TRPM3: variants seen among roughly 807,000 people sequenced by gnomAD.
TRPM3 encodes transient receptor potential cation channel subfamily M member 3, also known as long transient receptor potential channel 3.
A neutral mutation model predicts 181.2 loss-of-function variants in TRPM3; 77 were observed. The ratio of observed to expected loss-of-function variants is 0.42; its 90% CI spans 0.35 to 0.51. The LOEUF is 0.51. Among genes scored for constraint, TRPM3 ranks in the 20% least tolerant of loss-of-function variants. The pLI is 0.01. For synonymous variants in TRPM3, 745 were observed against 796.4 expected (o/e 0.94, Z 1.09); for missense variants, 1,759 against 2,196.7 (o/e 0.80, Z 3.98).
At position 70,755,575 on chromosome 9, in the gene TRPM3, G is replaced by T. The variant is rs548802904; in HGVS notation, c.1272+6026C>A. On this transcript the variant is annotated intron_variant, in intron 8 of 25. Transcript: ENST00000677713. The stretch of plus-strand genomic sequence containing the variant: ...AGTAGAGACGGGGTTTCTTCATGTT[G>T]AGGCTGGTCTCGAACTCCTGACCTC... Among the ~76,000 whole-genome samples, 510 of 151,976 alleles carry T rather than the reference G, an allele frequency of 3.4e-3. 4 individuals are homozygous for T. Among genetic ancestry groups the T allele is most frequent in the African/African-American group, 0.012 (488 of 41,448 alleles).
chr9:70,831,831 A>G (rs2093918325), intron 5 of TRPM3, among the ~76,000 whole-genome samples: 1 of 151,308 alleles, frequency 6.6e-6, no homozygotes, highest in Admixed American at 6.6e-5. Flanking sequence ...ATATTTTAAA[A>G]TAACTTAAAG....
At chr9:71,226,009 TAAA>T in intron 1 of TRPM3, among the ~76,000 whole-genome samples, 669 of 34,686 alleles carry the variant, frequency 0.019, 2 homozygotes, top group Admixed American at 0.03. Context: ...CAACAAAAGG[TAAA>T]AAAAAAAAAA....
rs556745389 is a variant in TRPM3, at chr9:71,350,368, T to G, written c.183+96285A>C. On this transcript the variant is annotated intron_variant, in intron 1 of 24. Transcript: ENST00000357533. ...ATCCCCAATCTTTCAATACTCCGGT[T>G]AGTTTGCTAATTCCTGGTTTATCAA... Among the ~76,000 whole-genome samples the G allele has an allele frequency of 1.1e-3, 168 of 152,326 alleles. 1 individual carries two copies. The highest frequency in any genetic ancestry group is 5.3e-4 in the Non-Finnish European group (36 of 68,024).
chr9:70,975,011 G>C (rs996497458), intron 1 of TRPM3, among the ~76,000 whole-genome samples: 1 of 151,762 alleles, frequency 6.6e-6, no homozygotes, highest in South Asian at 2.1e-4. Flanking sequence ...GGGATTACAG[G>C]TGCCCATCAC....
intron 1 of TRPM3, among the ~76,000 whole-genome samples, chr9:71,154,664 A>C (rs542413981): frequency 6.6e-6 from 1 of 152,168 alleles, no homozygotes; most frequent in Non-Finnish European, 1.5e-5. Flanking sequence ...GAATTTGTAC[A>C]TCACCTTGGC....
chr9:71,210,244 G>A (rs2079405987), intron 1 of TRPM3, among the ~76,000 whole-genome samples: 1 of 152,154 alleles, frequency 6.6e-6, no homozygotes, highest in African/African-American at 2.4e-5. Flanking sequence ...TCTAATGCCT[G>A]ATGATCTGTC....
At chr9:70,748,376 G>A (rs571347100) in intron 8 of TRPM3, among the ~76,000 whole-genome samples, 1 of 152,206 alleles carries the variant, frequency 6.6e-6, no homozygotes, top group African/African-American at 2.4e-5. Context: ...AGCTTCTCAT[G>A]TTGTATGTCT....
chr9:71,393,884 T>C (rs1181692958), intron 1 of TRPM3, among the ~76,000 whole-genome samples: 1 of 152,182 alleles, frequency 6.6e-6, no homozygotes, highest in East Asian at 1.9e-4. Flanking sequence ...TTCCCATATT[T>C]GAAAGAAAGT....
chr9:70,977,882 C>A (rs1047275559), intron 1 of TRPM3, among the ~76,000 whole-genome samples: 31 of 152,216 alleles, frequency 2.0e-4, no homozygotes, highest in African/African-American at 7.5e-4. Context: ...ACCCTCCTGG[C>A]ACTTTGTTGT....
chr9:70,660,028 T>C (rs1023257877), intron 9 of TRPM3, among the ~76,000 whole-genome samples: 1 of 152,182 alleles, frequency 6.6e-6, no homozygotes, highest in Non-Finnish European at 1.5e-5. Flanking sequence ...CTTAACAACC[T>C]GCTAAAAATG....
At chr9:71,405,693 T>C (rs1249450726) in intron 1 of TRPM3, among the ~76,000 whole-genome samples, 3 of 152,246 alleles carry the variant, frequency 2.0e-5, no homozygotes, top group Non-Finnish European at 1.5e-5. Context: ...ATGAATTTTA[T>C]TTTCTCCTGA....
intron 1 of TRPM3, among the ~76,000 whole-genome samples, chr9:71,391,126 C>T (rs891344430): frequency 3.3e-5 from 5 of 151,706 alleles, no homozygotes; most frequent in Non-Finnish European, 7.4e-5. Flanking sequence ...TCCCTAAGAC[C>T]ACCGCTGCCT....
At chr9:70,952,636 G>A (rs1051448412) in intron 1 of TRPM3, among the ~76,000 whole-genome samples, 1 of 152,152 alleles carries the variant, frequency 6.6e-6, no homozygotes, top group African/African-American at 2.4e-5. Context: ...GATGTGATAA[G>A]GGATTGAAGG....
At chr9:70,873,753 G>A (rs1217199838) in intron 1 of TRPM3, among the ~76,000 whole-genome samples, 1 of 151,908 alleles carries the variant, frequency 6.6e-6, no homozygotes, top group Non-Finnish European at 1.5e-5. Flanking sequence ...AGAGTCACAC[G>A]ATATAATACT....
intron 1 of TRPM3, among the ~76,000 whole-genome samples, chr9:71,192,884 G>A (rs2078119347): frequency 1.3e-5 from 2 of 151,850 alleles, no homozygotes; most frequent in Middle Eastern, 6.8e-3. Context: ...GTTTTAGATG[G>A]ATATATTAAC....
rs374351212 is a variant in TRPM3, at chr9:71,088,141, C to T, written c.177+33037G>A. ...CTACAGTAAAAAACATGTCGGGTTA[C>T]AGTGATTCCTCAGCCTACTATGGAA... On this transcript the variant is annotated intron_variant, in intron 1 of 25. Coordinates refer to ENST00000677713, the MANE Select transcript of TRPM3 (RefSeq NM_001366145.2). Among the ~76,000 whole-genome samples, 380 of 152,196 alleles carry T rather than the reference C, an allele frequency of 2.5e-3. 5 individuals are homozygous for T. In the South Asian group the frequency reaches 0.026, roughly 10 times the overall value.
chr9:71,076,075 T>C (rs2063412981), intron 1 of TRPM3, among the ~76,000 whole-genome samples: 1 of 151,980 alleles, frequency 6.6e-6, no homozygotes, highest in Non-Finnish European at 1.5e-5. Context: ...CCAATGAAAA[T>C]GAAGAATGAT....
intron 1 of TRPM3, among the ~76,000 whole-genome samples, chr9:71,380,790 G>C (rs1475277377): frequency 2.6e-5 from 4 of 152,040 alleles, no homozygotes; most frequent in African/African-American, 7.2e-5. Context: ...GGTCCTGACA[G>C]GGACATGGCA....
intron 1 of TRPM3, among the ~76,000 whole-genome samples, chr9:71,251,598 A>T (rs1468907006): frequency 6.6e-6 from 1 of 152,174 alleles, no homozygotes; most frequent in Non-Finnish European, 1.5e-5. Context: ...ATGGGTACAT[A>T]GGTATATATA....
Sources: allele counts gnomAD v4.1 joint callset (sites outside exome capture counted in the v4.1 genomes callset), GRCh38; gene constraint gnomAD v4.1.1; transcripts MANE v1.5; gene names NCBI Gene and HGNC (gene_info 2026-07-23, HGNC 2026-07-21).